SLC4A4: variants seen among roughly 807,000 people sequenced by gnomAD.
SLC4A4 encodes the protein solute carrier family 4 member 4.
In SLC4A4, 27 loss-of-function variants were observed where a neutral mutation model predicts 111.5. That is an observed-to-expected ratio of 0.24 (90% CI 0.18 to 0.33). The LOEUF is 0.33. Among genes scored for constraint, SLC4A4 ranks in the 10% least tolerant of loss-of-function variants. The pLI, the probability that SLC4A4 is intolerant of heterozygous loss-of-function variation, is 1.00. For synonymous variants in SLC4A4, 443 were observed against 463.4 expected, an observed-to-expected ratio of 0.96 and a Z score of 0.57; for missense variants, 909 against 1,315.5, an observed-to-expected ratio of 0.69 and a Z score of 4.78.
At chr4:71,302,617 C>T (rs1460933607) in intron 3 of SLC4A4, among the ~76,000 whole-genome samples, 1 of 152,196 alleles carries the variant, frequency 6.6e-6, no homozygotes, top group Non-Finnish European at 1.5e-5. Context: ...AGTGTTCACT[C>T]CTGGTGTGCT....
chr4:71,502,361 T>C (rs1172052728), intron 16 of SLC4A4, among the ~76,000 whole-genome samples: 1 of 152,186 alleles, frequency 6.6e-6, no homozygotes, highest in African/African-American at 2.4e-5. Context: ...TATTTCCTTC[T>C]TTCTAACAAT....
intron 18 of SLC4A4, among the ~76,000 whole-genome samples, chr4:71,544,809 T>G (rs1420477512): frequency 6.6e-6 from 1 of 151,986 alleles, no homozygotes; most frequent in Non-Finnish European, 1.5e-5. Flanking sequence ...AGCTGCATAT[T>G]TTATTTATTT....
In SLC4A4 at chr4:71,350,190, C is replaced by G. The variant is rs373910620; in HGVS notation, c.550+118C>G. The G allele has an allele frequency of 1.6e-5, 16 of 1,026,416 alleles. No individual in the cohort carries two copies. In the African/African-American group the frequency reaches 1.9e-4, roughly 12 times the overall value. 63.6% of individuals were successfully genotyped at this position (1,026,416 alleles called of 1,614,324 possible). On this transcript the variant is annotated intron_variant, in intron 5 of 25. Transcript: ENST00000264485. ...TTAAATGTTTTATAACATTTATTCT[C>G]TCTTTTTGCATTATAACATTAGTAT...
intron 1 of SLC4A4, among the ~76,000 whole-genome samples, chr4:71,215,240 T>C (rs1718354501): frequency 6.6e-6 from 1 of 152,210 alleles, no homozygotes; most frequent in South Asian, 2.1e-4. Flanking sequence ...GGTTTCTTTA[T>C]TTCCCCTGAA....
At chr4:71,552,170 A>C (rs1337104004) in intron 20 of SLC4A4, among the ~76,000 whole-genome samples, 1 of 151,898 alleles carries the variant, frequency 6.6e-6, no homozygotes, top group Non-Finnish European at 1.5e-5. Flanking sequence ...CCTGGACTAG[A>C]TATTTTATGT....
At chr4:71,111,871 A>G (rs1253666885) in intron 2 of SLC4A4, among the ~76,000 whole-genome samples, 1 of 145,170 alleles carries the variant, frequency 6.9e-6, no homozygotes, top group Non-Finnish European at 1.5e-5. Context: ...TAATTTTTGT[A>G]TTTTTAGTAG....
At chr4:71,536,485 T>TATATATATATAAAA (rs760037325) in intron 18 of SLC4A4, among the ~76,000 whole-genome samples, 11 of 84,030 alleles carry the variant, frequency 1.3e-4, no homozygotes, top group Admixed American at 5.5e-4. Flanking sequence ...TATATATATA[T>TATATATATATAAAA]ATGTATATAT....
chr4:71,245,858 A>G (rs908948005), intron 2 of SLC4A4, among the ~76,000 whole-genome samples: 5 of 152,150 alleles, frequency 3.3e-5, no homozygotes, highest in Non-Finnish European at 5.9e-5. Context: ...AAGTGCAGTC[A>G]TAGAAGTAGG....
chr4:71,140,906 G>A (rs1743976117), intron 2 of SLC4A4, among the ~76,000 whole-genome samples: 1 of 152,138 alleles, frequency 6.6e-6, no homozygotes, highest in Admixed American at 6.5e-5. Context: ...TACAAAATTT[G>A]TGGGATACAA....
intron 4 of SLC4A4, among the ~76,000 whole-genome samples, chr4:71,341,298 A>C (rs917183149): frequency 1.3e-5 from 2 of 152,176 alleles, no homozygotes; most frequent in African/African-American, 4.8e-5. Context: ...ATATGAGAAT[A>C]AGGGAAACCA....
intron 6 of SLC4A4, among the ~76,000 whole-genome samples, chr4:71,384,230 A>T (rs535105128): frequency 2.6e-5 from 4 of 152,262 alleles, no homozygotes. Flanking sequence ...CAAGGGGGAG[A>T]AAATGAGTAT....
intron 1 of SLC4A4, among the ~76,000 whole-genome samples, chr4:71,197,007 G>A (rs1311507747): frequency 1.3e-5 from 2 of 151,866 alleles, no homozygotes; most frequent in African/African-American, 4.8e-5. Flanking sequence ...TTGAGGTCAG[G>A]AGTTCAAGAC....
chr4:71,379,964 C>T (rs1274150701), intron 6 of SLC4A4, among the ~76,000 whole-genome samples: 1 of 152,044 alleles, frequency 6.6e-6, no homozygotes, highest in Non-Finnish European at 1.5e-5. Flanking sequence ...GGGCCTGATA[C>T]ACAGACACTT....
chr4:71,422,542 A>C (rs1201997815), intron 7 of SLC4A4, among the ~76,000 whole-genome samples: 1 of 152,178 alleles, frequency 6.6e-6, no homozygotes, highest in African/African-American at 2.4e-5. Flanking sequence ...CAAAAAAGAG[A>C]ATTTTAGACC....
At position 71,555,138 on chromosome 4, in the gene SLC4A4, A is replaced by G. The variant is rs1015208682; in HGVS notation, c.2695-2A>G. 1 of 1,600,856 alleles carries G rather than the reference A, an allele frequency of 6.2e-7. No homozygotes were observed. The highest frequency in any genetic ancestry group is 8.6e-7 in the Non-Finnish European group (1 of 1,169,088). ...AAGTTGTATCCATTTTTTTCCTTCT[A>G]GTTTATACCCATGCCTGTACTCTAT... On this transcript the variant is annotated splice_acceptor_variant, in intron 20 of 25. Coordinates refer to ENST00000264485, the MANE Select transcript of SLC4A4 (RefSeq NM_001098484.3). LOFTEE classifies it high-confidence loss of function.
At chr4:71,259,974 A>G (rs139503278) in intron 3 of SLC4A4, among the ~76,000 whole-genome samples, 69 of 152,278 alleles carry the variant, frequency 4.5e-4, no homozygotes, top group African/African-American at 1.6e-3. Context: ...TGCCTCTCAC[A>G]CACAGGTCTT....
At chr4:71,288,693 C>T (rs1265848078) in intron 3 of SLC4A4, among the ~76,000 whole-genome samples, 4 of 152,116 alleles carry the variant, frequency 2.6e-5, no homozygotes, top group African/African-American at 9.7e-5. Flanking sequence ...ACCACTGTGC[C>T]TGGCCTAGGG....
chr4:71,427,984 G>A (rs140862144), intron 7 of SLC4A4, among the ~76,000 whole-genome samples: 2 of 152,220 alleles, frequency 1.3e-5, no homozygotes, highest in South Asian at 2.1e-4. Context: ...AAGTCAGCTT[G>A]CTTCCTGTCT....
At chr4:71,474,250 A>C (rs990257955) in intron 14 of SLC4A4, among the ~76,000 whole-genome samples, 6 of 151,876 alleles carry the variant, frequency 4.0e-5, no homozygotes, top group Admixed American at 1.3e-4. Flanking sequence ...TATACAGTCC[A>C]TACTTTTTAC....
Sources: allele counts gnomAD v4.1 joint callset (sites outside exome capture counted in the v4.1 genomes callset), GRCh38; gene constraint gnomAD v4.1.1; transcripts MANE v1.5; gene names NCBI Gene and HGNC (gene_info 2026-07-23, HGNC 2026-07-21).